Variants in ATRN observed in about 807,000 individuals in gnomAD.
ATRN encodes the protein attractin.
A neutral mutation model predicts 178.7 loss-of-function variants in ATRN; 54 were observed. The ratio of observed to expected loss-of-function variants is 0.30; its 90% confidence interval spans 0.24 to 0.38. ATRN has a LOEUF of 0.38. Ranked by LOEUF, ATRN falls within the 10% of genes least tolerant of loss-of-function variation. ATRN has a pLI of 1.00. For missense variants in ATRN, 1,443 were observed against 1,815.1 expected, an observed-to-expected ratio of 0.79 and a Z score of 3.73; for synonymous variants, 636 against 663.0, an observed-to-expected ratio of 0.96 and a Z score of 0.63.
In ATRN at chr20:3,562,314, C is replaced by T; in HGVS notation, c.1486C>T (p.Leu496Phe). 4 of 1,614,026 alleles carry T rather than the reference C, an allele frequency of 2.5e-6. No homozygotes were observed. Among genetic ancestry groups the T allele is most frequent in the Non-Finnish European group, 3.4e-6 (4 of 1,179,938 alleles). The change falls in exon 9 of 29, where the codon CTT becomes TTT. Residue 496 changes from leucine (L) to phenylalanine (F), a missense_variant. By Grantham distance (22) the Leu-to-Phe change is conservative (BLOSUM62 0). Around this residue, in one of 4 missense-constraint regions of ATRN, gnomAD observed 862 missense variants for 972.1 expected, o/e 0.89. Coordinates refer to ENST00000262919, the MANE Select transcript of ATRN (RefSeq NM_139321.3). ...TWSILHTQGA[L>F]VQGGYGHSSV... ...GAGTATATTACACACCCAGGGTGCC[C>T]TTGTGCAAGGGGGTTACGGCCATAG...
At chr20:3,572,652 TAAAAAA>T in intron 11 of ATRN, 73 bp from the exon 12 acceptor site, 1 of 1,035,922 alleles carries the variant, frequency 9.7e-7, no homozygotes. Flanking sequence ...CCCTGTCTCT[TAAAAAA>T]AAAAAAAAAA....
At chr20:3,612,714 A>C (rs1408175617) in intron 24 of ATRN, among the ~76,000 whole-genome samples, 1 of 151,252 alleles carries the variant, frequency 6.6e-6, no homozygotes, top group African/African-American at 2.5e-5. Context: ...AGTAAATAAA[A>C]TTTATTTATT....
intron 24 of ATRN, among the ~76,000 whole-genome samples, chr20:3,610,293 C>CTATT (rs1406537326): frequency 1.3e-5 from 2 of 152,148 alleles, no homozygotes; most frequent in Non-Finnish European, 2.9e-5. Context: ...TTAAGGCTTA[C>CTATT]TATTTAGGTA....
chr20:3,494,898 A>G (rs1382390377), intron 1 of ATRN, among the ~76,000 whole-genome samples: 1 of 152,152 alleles, frequency 6.6e-6, no homozygotes, highest in Non-Finnish European at 1.5e-5. Context: ...CATTGCTTTT[A>G]TTGAGTCTTT....
At chr20:3,615,317 T>C (rs2086828781) in intron 24 of ATRN, among the ~76,000 whole-genome samples, 1 of 151,242 alleles carries the variant, frequency 6.6e-6, no homozygotes, top group African/African-American at 2.4e-5. Flanking sequence ...TAGTCCCAGC[T>C]ACTTGCAAGG....
In ATRN at chr20:3,632,384, C is replaced by T. The variant is rs1319005124; in HGVS notation, c.3864-1927C>T. Among the ~76,000 whole-genome samples, 3 of 152,138 alleles carry T rather than the reference C, an allele frequency of 2.0e-5. No homozygotes were observed. Among genetic ancestry groups the T allele is most frequent in the Non-Finnish European group, 2.9e-5 (2 of 68,032 alleles). The stretch of plus-strand genomic sequence containing the variant: ...TAATGCTTGCAGTGCCCCACATGAT[C>T]TGCCCTTCACCCTCACCCTTCTCTC... On this transcript the variant is annotated intron_variant, in intron 25 of 28. Transcript: ENST00000262919. The surrounding 1 kb of genome is among the most constrained non-coding windows in gnomAD (Gnocchi z 4.2).
Position 3,562,390 on chromosome 20 carries a change from A to T in ATRN, c.1562A>T (p.Lys521Met). The change falls in exon 9 of 29, where the codon AAG becomes ATG. Residue 521 changes from lysine (K) to methionine (M), a missense_variant. Lys to Met is a moderately conservative substitution (Grantham distance 95). Around this residue, in one of 4 missense-constraint regions of ATRN, gnomAD observed 862 missense variants for 972.1 expected, o/e 0.89. Coordinates refer to ENST00000262919, the MANE Select transcript of ATRN (RefSeq NM_139321.3). ...TRALYVHGGYKAFSANKYRLA... is the reference protein window; with the variant it reads ...TRALYVHGGYMAFSANKYRLA... ...GCCCTATACGTTCATGGTGGCTACA[A>T]GGCTTTCAGTGCCAATAAGTACCGG... 5 of 1,614,194 alleles carry T rather than the reference A, an allele frequency of 3.1e-6. No homozygotes were observed. Among genetic ancestry groups the T allele is most frequent in the Non-Finnish European group, 4.2e-6 (5 of 1,180,026 alleles).
intron 1 of ATRN, among the ~76,000 whole-genome samples, chr20:3,491,941 G>C (rs900687679): frequency 1.4e-4 from 21 of 152,186 alleles, no homozygotes; most frequent in African/African-American, 4.8e-4. Context: ...TTAAATATCA[G>C]GATCCTTAAA....
intron 1 of ATRN, among the ~76,000 whole-genome samples, chr20:3,503,791 G>A (rs1230609509): frequency 6.6e-6 from 1 of 152,172 alleles, no homozygotes; most frequent in Admixed American, 6.6e-5. Flanking sequence ...CTAAAAGAGT[G>A]TTTGAAAGAA....
At chr20:3,516,543 A>G (rs1263780047) in intron 1 of ATRN, among the ~76,000 whole-genome samples, 1 of 152,200 alleles carries the variant, frequency 6.6e-6, no homozygotes, top group African/African-American at 2.4e-5. Flanking sequence ...TAAAATAAGT[A>G]GTTGGGATAC....
At chr20:3,643,183 C>G (rs990287423) in intron 27 of ATRN, among the ~76,000 whole-genome samples, 12 of 152,196 alleles carry the variant, frequency 7.9e-5, no homozygotes, top group African/African-American at 2.7e-4. Context: ...TCCCATCCAG[C>G]TGACAACTTG....
intron 24 of ATRN, among the ~76,000 whole-genome samples, chr20:3,614,586 T>TG (rs1361189846): frequency 6.6e-6 from 1 of 152,260 alleles, no homozygotes; most frequent in Non-Finnish European, 1.5e-5. Context: ...GAGCAAGGGA[T>TG]GTGTGAAACT....
chr20:3,569,608 C>T (rs1568735783), intron 11 of ATRN, among the ~76,000 whole-genome samples: 1 of 152,086 alleles, frequency 6.6e-6, no homozygotes, highest in Non-Finnish European at 1.5e-5. Flanking sequence ...TTGTTTTCTT[C>T]AATAATAAAT....
chr20:3,526,522 A>G (rs1355882983), intron 1 of ATRN, among the ~76,000 whole-genome samples: 1 of 152,212 alleles, frequency 6.6e-6, no homozygotes, highest in Non-Finnish European at 1.5e-5. Context: ...AAAGTAATTT[A>G]TAGATTCAAT....
chr20:3,621,949 T>G (rs2086900323), intron 24 of ATRN, among the ~76,000 whole-genome samples: 1 of 152,266 alleles, frequency 6.6e-6, no homozygotes, highest in Admixed American at 6.5e-5. Flanking sequence ...AAATGTTTAT[T>G]AAGTGCCAAT....
chr20:3,604,022 CTTATTA>C (rs1263760702), intron 23 of ATRN, 77 bp from the exon 24 acceptor site: 4 of 1,186,836 alleles, frequency 3.4e-6, no homozygotes, highest in Non-Finnish European at 4.7e-6. Context: ...TGCTATTGTC[CTTATTA>C]TTAATGAGGC....
intron 1 of ATRN, among the ~76,000 whole-genome samples, chr20:3,516,435 G>GA (rs1477157303): frequency 1.3e-5 from 2 of 152,074 alleles, no homozygotes; most frequent in Non-Finnish European, 2.9e-5. Flanking sequence ...TGTGAACTGA[G>GA]AAAAAACACT....
chr20:3,626,821 C>T (rs1321022490), intron 25 of ATRN, among the ~76,000 whole-genome samples: 1 of 128,660 alleles, frequency 7.8e-6, no homozygotes, highest in Non-Finnish European at 1.6e-5. Flanking sequence ...CTCTCTCTGT[C>T]ACCCAGGCCA....
chr20:3,491,943 A>G (rs180846875), intron 1 of ATRN, among the ~76,000 whole-genome samples: 146 of 152,248 alleles, frequency 9.6e-4, no homozygotes, highest in Middle Eastern at 3.4e-3. Flanking sequence ...AAATATCAGG[A>G]TCCTTAAACT....
Sources: gnomAD v4.1 joint callset for allele counts (sites outside exome capture counted in the v4.1 genomes callset) on GRCh38, gnomAD v4.1.1 for gene constraint, gnomAD v4.1.1 regional missense constraint, Gnocchi (gnomAD v3.1) non-coding constraint, MANE v1.5 for transcripts, NCBI Gene and HGNC (gene_info 2026-07-23, HGNC 2026-07-21) for gene names.